The following LINGO1 variants were observed in gnomAD, a reference collection of about 807,000 sequenced individuals.
The protein encoded by LINGO1 is leucine rich repeat and Ig domain containing 1.
LINGO1 carries 11 observed loss-of-function variants against 37.3 expected under a neutral mutation model. The ratio of observed to expected loss-of-function variants is 0.29; its 90% confidence interval spans 0.19 to 0.49. The LOEUF is 0.49. LINGO1 is among the 20% of genes least tolerant of loss of function. The pLI, the probability that LINGO1 is intolerant of heterozygous loss-of-function variation, is 0.99. For synonymous variants in LINGO1, 387 were observed against 403.0 expected (o/e 0.96, Z 0.48); for missense variants, 585 against 878.2 (o/e 0.67, Z 4.22).
chr15:77,752,332 G>A (rs185667366), intron 1 of LINGO1, among the ~76,000 whole-genome samples: 185 of 152,354 alleles, frequency 1.2e-3, no homozygotes, highest in African/African-American at 4.3e-3. Flanking sequence ...AGGCAGCTGA[G>A]CTAATTAGCA....
intron 2 of LINGO1, among the ~76,000 whole-genome samples, chr15:77,682,664 T>C (rs982581756): frequency 2.6e-5 from 4 of 152,042 alleles, no homozygotes; most frequent in Admixed American, 6.6e-5. Flanking sequence ...ACTCATATTC[T>C]CCCCAGTTCT....
chr15:77,678,012 C>A (rs1006434203), intron 2 of LINGO1, among the ~76,000 whole-genome samples: 5 of 152,234 alleles, frequency 3.3e-5, no homozygotes, highest in Admixed American at 3.3e-4. Flanking sequence ...CACCTGCCAC[C>A]TCCTCAGAAA....
At chr15:77,645,991 G>T (rs1310171768) in intron 3 of LINGO1, among the ~76,000 whole-genome samples, 1 of 152,236 alleles carries the variant, frequency 6.6e-6, no homozygotes, top group East Asian at 1.9e-4. Flanking sequence ...GGGCAAGCAG[G>T]CCTGGCTTTC....
At position 77,724,115 on chromosome 15, in the gene LINGO1, G is replaced by A. The variant is rs1056374805; in HGVS notation, c.-195+10877C>T. On this transcript the variant is annotated intron_variant, in intron 2 of 3. Transcript: ENST00000561686. ...CACTCCTTGCACCCGGAGCAGGAGC[G>A]GGGAGTGGGGAGGGGGGCCCCTTCC... 5.9e-5 allele frequency among the ~76,000 whole-genome samples: 9 copies of A among 152,182 alleles called. No individual in the cohort carries two copies. The South Asian group carries it at 8.3e-4, about 14-fold the overall frequency.
rs945207101 is a variant in LINGO1 at position 77,719,416 on chromosome 15, G to A, written c.-195+15576C>T. Among the ~76,000 whole-genome samples, 33 of 149,796 alleles carry A rather than the reference G, an allele frequency of 2.2e-4. 2 individuals are homozygous for A. Among genetic ancestry groups the A allele is most frequent in the East Asian group, 6.5e-4 (3 of 4,642 alleles). ...CCTCCTCCATGTAAGATCATCCCCC[G>A]CCTCCACCCTCACAGGCAGATCAGA... On this transcript the variant is annotated intron_variant, in intron 2 of 3. Transcript: ENST00000561686.
intron 1 of LINGO1, among the ~76,000 whole-genome samples, chr15:77,742,321 T>C (rs1003500454): frequency 2.0e-5 from 3 of 152,194 alleles, no homozygotes; most frequent in African/African-American, 7.2e-5. Context: ...CCACAGCCTC[T>C]GGGAGGCAGA....
rs1294724825 is a variant in LINGO1, at chr15:77,800,841, CAAAA to C, written c.-457-4792_-457-4789del. Among the ~76,000 whole-genome samples, 15 of 152,106 alleles carry C rather than the reference CAAAA, an allele frequency of 9.9e-5. No individual in the cohort carries two copies. In the East Asian group the frequency reaches 2.5e-3, roughly 25 times the overall value. On this transcript the variant is annotated intron_variant, in intron 1 of 5. Coordinates refer to the LINGO1 transcript ENST00000562933. The stretch of plus-strand genomic sequence containing the variant: ...CCCTACAAATCAATAAGAAAAAAGA[CAAAA>C]GAAGAGAAAAATTGGCAGTGAATTA...
intron 2 of LINGO1, among the ~76,000 whole-genome samples, chr15:77,714,592 A>C (rs2075960668): frequency 6.6e-6 from 1 of 152,070 alleles, no homozygotes; most frequent in Admixed American, 6.5e-5. Flanking sequence ...TATTCATCCC[A>C]TCACTGCACC....
intron 2 of LINGO1, among the ~76,000 whole-genome samples, chr15:77,734,565 A>G (rs890999346): frequency 2.0e-5 from 3 of 150,620 alleles, no homozygotes; most frequent in African/African-American, 2.4e-5. Context: ...CCCTGCCCCA[A>G]CAGATTCCCT....
intron 3 of LINGO1, among the ~76,000 whole-genome samples, chr15:77,669,156 G>A (rs2075201746): frequency 6.6e-6 from 1 of 152,268 alleles, no homozygotes; most frequent in Non-Finnish European, 1.5e-5. Flanking sequence ...CTCTGCCTCT[G>A]CTGCAGGCCT....
chr15:77,614,814 T>C lies in LINGO1; in HGVS notation c.1093A>G (p.Ile365Val), dbSNP rs770410318. ...FHSVGNLETL[I>V]LDSNPLACDC... ...CAGGCCAGCGGGTTGGAGTCCAGGA[T>C]GAGTGTCTCCAGGTTGCCCACCGAG... The change falls in exon 2 of 2, where the codon ATC becomes GTC. Residue 365 changes from isoleucine (I) to valine (V), a missense_variant. Coordinates refer to ENST00000355300, the MANE Select transcript of LINGO1 (RefSeq NM_032808.7). The C allele has an allele frequency of 1.1e-5, 18 of 1,611,880 alleles. No homozygotes were observed. Among genetic ancestry groups the C allele is most frequent in the Admixed American group, 3.3e-5 (2 of 59,724 alleles).
At chr15:77,617,280 C>T (rs2073760062) in intron 1 of LINGO1, among the ~76,000 whole-genome samples, 1 of 152,166 alleles carries the variant, frequency 6.6e-6, no homozygotes, top group South Asian at 2.1e-4. Context: ...TCCCTCTTCT[C>T]TCTCCATCCA....
chr15:77,740,005 AC>A (rs2076244430), intron 1 of LINGO1, among the ~76,000 whole-genome samples: 1 of 152,226 alleles, frequency 6.6e-6, no homozygotes, highest in Non-Finnish European at 1.5e-5. Flanking sequence ...AGAGCTGGGG[AC>A]CTAGGGGATC....
intron 1 of LINGO1, among the ~76,000 whole-genome samples, chr15:77,754,791 C>T (rs546503910): frequency 1.2e-4 from 18 of 152,338 alleles, no homozygotes; most frequent in African/African-American, 3.6e-4. Flanking sequence ...CAGAGGGCCA[C>T]GGTGAGGGTA....
In LINGO1 at chr15:77,718,493, T is replaced by C. The variant is rs1370462522; in HGVS notation, c.-195+16499A>G. Among the ~76,000 whole-genome samples, 3 of 150,800 alleles carry C rather than the reference T, an allele frequency of 2.0e-5. 1 individual carries two copies. The highest frequency in any genetic ancestry group is 2.0e-4 in the Admixed American group (3 of 15,122). On this transcript the variant is annotated intron_variant, in intron 2 of 3. Coordinates refer to the LINGO1 transcript ENST00000561686. ...ATACAGGACCACACACATGTATGTA[T>C]TGCGTGCCTACACATGTACAGACTC...
intron 1 of LINGO1, among the ~76,000 whole-genome samples, chr15:77,619,122 C>A (rs1002432850): frequency 2.1e-5 from 3 of 146,060 alleles, no homozygotes; most frequent in African/African-American, 7.7e-5. Flanking sequence ...AAAGCCTCAG[C>A]ATTTGGCATC....
chr15:77,810,898 C>T (rs1054219495), intron 1 of LINGO1, among the ~76,000 whole-genome samples: 8 of 152,152 alleles, frequency 5.3e-5, no homozygotes, highest in African/African-American at 1.2e-4. Flanking sequence ...GGCAGGAGGC[C>T]GGAAGACAAA....
At chr15:77,693,397 G>A (rs762640289) in intron 1 of LINGO1, among the ~76,000 whole-genome samples, 40 of 152,172 alleles carry the variant, frequency 2.6e-4, no homozygotes, top group Non-Finnish European at 4.4e-5. Context: ...GAAGACTTGG[G>A]CTAGGGCTGG....
At chr15:77,728,638 G>A (rs747118442) in intron 2 of LINGO1, among the ~76,000 whole-genome samples, 5 of 152,204 alleles carry the variant, frequency 3.3e-5, no homozygotes, top group South Asian at 2.1e-4. Flanking sequence ...CTCTGGGCCC[G>A]TTTCCATGTC....
Sources: allele counts gnomAD v4.1 joint callset (sites outside exome capture counted in the v4.1 genomes callset), GRCh38; gene constraint gnomAD v4.1.1; transcripts MANE v1.5; gene names NCBI Gene and HGNC (gene_info 2026-07-23, HGNC 2026-07-21).